Variants in GALNT13 observed in about 807,000 individuals in gnomAD.
GALNT13 encodes the protein UDP-GalNAc:polypeptide N-acetylgalactosaminyltransferase 13.
A neutral mutation model predicts 64.2 loss-of-function variants in GALNT13; 28 were observed. The ratio of observed to expected loss-of-function variants is 0.44; its 90% CI spans 0.32 to 0.60. GALNT13 has a LOEUF of 0.60. GALNT13 is among the 20% of genes least tolerant of loss of function. GALNT13 has a pLI of 0.05. For missense variants in GALNT13, 577 were observed against 669.8 expected (o/e 0.86, Z 1.53); for synonymous variants, 214 against 224.6 (o/e 0.95, Z 0.42).
chr2:153,752,780 T>C, the GALNT13 span, among the ~76,000 whole-genome samples: 1 of 152,188 alleles, frequency 6.6e-6, no homozygotes, highest in Non-Finnish European at 1.5e-5. Context: ...AGGATATTGA[T>C]ATCTTTCTCT....
chr2:153,756,865 A>AT, the GALNT13 span, among the ~76,000 whole-genome samples: 11 of 151,462 alleles, frequency 7.3e-5, no homozygotes, highest in Non-Finnish European at 1.3e-4. Flanking sequence ...CTATTATCCT[A>AT]TTTTTTTCCA....
At chr2:153,861,532 T>C in the GALNT13 span, among the ~76,000 whole-genome samples, 15,470 of 151,250 alleles carry the variant, frequency 0.1, 1,009 homozygotes, top group African/African-American at 0.17. Context: ...TAAAAGCTGA[T>C]TTTTTCTCTT....
chr2:153,159,934 A>G, the GALNT13 span, among the ~76,000 whole-genome samples: 1 of 152,218 alleles, frequency 6.6e-6, no homozygotes, highest in African/African-American at 2.4e-5. Flanking sequence ...TCCTTACTCC[A>G]CATTTTGAGT....
chr2:153,784,574 G>A, the GALNT13 span, among the ~76,000 whole-genome samples: 4 of 152,178 alleles, frequency 2.6e-5, no homozygotes, highest in Admixed American at 1.3e-4. Context: ...AGTCTTATGT[G>A]AAGTCTAGGC....
chr2:153,917,885 A>G (rs1057220209), intron 2 of GALNT13, among the ~76,000 whole-genome samples: 6 of 34,986 alleles, frequency 1.7e-4, no homozygotes, highest in East Asian at 1.0e-3. Flanking sequence ...CAGAATGTCA[A>G]TTAGGCAGTT....
upstream of GALNT13, among the ~76,000 whole-genome samples, chr2:153,869,176 G>A (rs181565382): frequency 7.9e-5 from 12 of 151,962 alleles, no homozygotes; most frequent in Admixed American, 6.5e-4. Flanking sequence ...AAGATCCAGG[G>A]CTTTCTTATA....
chr2:153,423,939 TA>T, the GALNT13 span, among the ~76,000 whole-genome samples: 1 of 151,428 alleles, frequency 6.6e-6, no homozygotes, highest in Non-Finnish European at 1.5e-5. Context: ...ATAAAGTGCC[TA>T]AAACAGTTGA....
chr2:154,199,417 G>GT (rs1335002421), intron 4 of GALNT13, among the ~76,000 whole-genome samples: 26 of 151,972 alleles, frequency 1.7e-4, no homozygotes, highest in Non-Finnish European at 2.9e-4. Context: ...ATTTTTGACT[G>GT]TATCAGTCTT....
the GALNT13 span, among the ~76,000 whole-genome samples, chr2:153,254,968 G>T: frequency 6.6e-6 from 1 of 152,074 alleles, no homozygotes; most frequent in Non-Finnish European, 1.5e-5. Flanking sequence ...GGAGAGTTCT[G>T]TAGATGTCTA....
At chr2:153,073,865 C>T in the GALNT13 span, among the ~76,000 whole-genome samples, 15 of 152,026 alleles carry the variant, frequency 9.9e-5, no homozygotes, top group Admixed American at 9.8e-4. Flanking sequence ...CATCTTCCCC[C>T]CTCCCTTTAT....
the GALNT13 span, among the ~76,000 whole-genome samples, chr2:153,425,703 A>T: frequency 6.6e-6 from 1 of 151,830 alleles, no homozygotes; most frequent in Non-Finnish European, 1.5e-5. Flanking sequence ...GTAAAAAGTA[A>T]ATAGTTATTC....
At chr2:153,069,171 C>T in the GALNT13 span, among the ~76,000 whole-genome samples, 4 of 152,168 alleles carry the variant, frequency 2.6e-5, no homozygotes, top group Non-Finnish European at 5.9e-5. Context: ...CTTTCAGATT[C>T]ATTCTTATCT....
intron 3 of GALNT13, among the ~76,000 whole-genome samples, chr2:154,037,740 A>C (rs1698745456): frequency 6.6e-6 from 1 of 152,220 alleles, no homozygotes; most frequent in Non-Finnish European, 1.5e-5. Flanking sequence ...GAAGTCAAGA[A>C]AGTAATCTTT....
the GALNT13 span, among the ~76,000 whole-genome samples, chr2:153,266,932 T>C: frequency 6.6e-6 from 1 of 152,206 alleles, no homozygotes; most frequent in African/African-American, 2.4e-5. Context: ...GGCAAGTCCC[T>C]CTGCCTATAA....
At chr2:153,949,755 C>A (rs562610517) in intron 3 of GALNT13, among the ~76,000 whole-genome samples, 3 of 151,954 alleles carry the variant, frequency 2.0e-5, no homozygotes, top group Admixed American at 6.6e-5. Flanking sequence ...CAGGGGGAGA[C>A]AAATTGTCCA....
At chr2:154,015,647 C>A (rs1035783834) in intron 3 of GALNT13, among the ~76,000 whole-genome samples, 2 of 152,140 alleles carry the variant, frequency 1.3e-5, no homozygotes, top group African/African-American at 4.8e-5. Context: ...CCTTCTCCTA[C>A]TTTAATTATA....
chr2:153,607,415 T>C, the GALNT13 span, among the ~76,000 whole-genome samples: 33 of 152,142 alleles, frequency 2.2e-4, no homozygotes, highest in Non-Finnish European at 3.4e-4. Context: ...CTAAATATGT[T>C]ATCAGAGAAA....
chr2:153,697,094 G>A, the GALNT13 span, among the ~76,000 whole-genome samples: 1 of 152,184 alleles, frequency 6.6e-6, no homozygotes, highest in Non-Finnish European at 1.5e-5. Flanking sequence ...GGGCATCTGT[G>A]ATTTCAGAGG....
intron 9 of GALNT13, among the ~76,000 whole-genome samples, chr2:154,327,884 T>C (rs1490942667): frequency 6.6e-6 from 1 of 152,148 alleles, no homozygotes; most frequent in Non-Finnish European, 1.5e-5. Context: ...ATTAGCTTTT[T>C]AAGTTTTCCC....
Sources: gnomAD v4.1 joint callset for allele counts (sites outside exome capture counted in the v4.1 genomes callset) on GRCh38, gnomAD v4.1.1 for gene constraint, MANE v1.5 for transcripts, NCBI Gene and HGNC (gene_info 2026-07-23, HGNC 2026-07-21) for gene names.